The following MEGF11 variants were observed in gnomAD, a reference collection of about 807,000 sequenced individuals.
MEGF11 encodes the protein multiple EGF like domains 11.
MEGF11 carries 126 observed loss-of-function variants against 146.6 expected under a neutral mutation model. The ratio of observed to expected loss-of-function variants is 0.86; its 90% CI spans 0.74 to 1.00. MEGF11 has a LOEUF of 1.00. MEGF11 is among the 50% of genes least tolerant of loss of function. The pLI is 0.00. For synonymous variants in MEGF11, 532 were observed against 583.4 expected (o/e 0.91, Z 1.27); for missense variants, 1,509 against 1,521.2 (o/e 0.99, Z 0.13).
At chr15:66,235,203 A>G (rs774870768) in intron 1 of MEGF11, among the ~76,000 whole-genome samples, 1 of 152,212 alleles carries the variant, frequency 6.6e-6, no homozygotes, top group Non-Finnish European at 1.5e-5. Flanking sequence ...GATTAAAGCA[A>G]TTCAAAGGTC....
intron 5 of MEGF11, among the ~76,000 whole-genome samples, chr15:66,039,796 C>A (rs373274138): frequency 7.8e-6 from 1 of 127,818 alleles, no homozygotes; most frequent in Non-Finnish European, 1.7e-5. Flanking sequence ...CCGGGTCAGG[C>A]GGCGGTGGGG....
intron 1 of MEGF11, among the ~76,000 whole-genome samples, chr15:66,132,968 T>C (rs1005204043): frequency 6.6e-6 from 1 of 152,068 alleles, no homozygotes; most frequent in Non-Finnish European, 1.5e-5. Context: ...CAAGACATCT[T>C]TGTCAACTGA....
chr15:66,221,114 T>A (rs72746219), intron 1 of MEGF11, among the ~76,000 whole-genome samples: 3,509 of 151,946 alleles, frequency 0.023, 64 homozygotes, highest in Non-Finnish European at 0.034. Context: ...ATTTCAAATT[T>A]AAAAAAAAAT....
chr15:66,114,724 G>A (rs2087632194), intron 4 of MEGF11, among the ~76,000 whole-genome samples: 1 of 144,634 alleles, frequency 6.9e-6, no homozygotes, highest in African/African-American at 2.5e-5. Flanking sequence ...ACCAAAGTGG[G>A]CCAGGACTCC....
intron 9 of MEGF11, among the ~76,000 whole-genome samples, 162 bp from the exon 10 acceptor site, chr15:65,957,883 G>T (rs1340075084): frequency 6.6e-6 from 1 of 152,130 alleles, no homozygotes; most frequent in Non-Finnish European, 1.5e-5. Flanking sequence ...AGATGCCAAG[G>T]CCACATGGTC....
chr15:66,141,233 G>GGTGTGT (rs572801225), intron 1 of MEGF11, among the ~76,000 whole-genome samples: 50 of 97,272 alleles, frequency 5.1e-4, no homozygotes, highest in African/African-American at 1.8e-3. Flanking sequence ...CAGACTCAGG[G>GGTGTGT]GTGTGTGTGT....
In MEGF11 at chr15:65,922,402, G is replaced by T. The variant is rs1298128406; in HGVS notation, c.1893C>A (p.Pro631=). The T allele has an allele frequency of 6.3e-7, 1 of 1,597,652 alleles. No homozygotes were observed. The highest frequency in any genetic ancestry group is 8.5e-7 in the Non-Finnish European group (1 of 1,172,552). ...CACAGATGCCGCTGATGTGGTGGCA[G>T]GGCCTGCTGCTGTGCACGCAGAGGG... ...PCPLCVHSSR[P]CHHISGICEC... The change falls in exon 15 of 26, where the codon CCC becomes CCA. Residue 631 remains proline (P), a synonymous_variant. Transcript: ENST00000395614.
At chr15:66,225,277 C>T (rs968650012) in intron 1 of MEGF11, among the ~76,000 whole-genome samples, 1 of 152,364 alleles carries the variant, frequency 6.6e-6, no homozygotes, top group South Asian at 2.1e-4. Context: ...GAGGCAGCAG[C>T]CCTGCCTGAA....
intron 5 of MEGF11, among the ~76,000 whole-genome samples, chr15:66,054,878 A>G (rs2140371013): frequency 6.6e-6 from 1 of 152,298 alleles, no homozygotes; most frequent in Non-Finnish European, 1.5e-5. Context: ...TAGTAAAGAG[A>G]AGAGAAAAGG....
intron 10 of MEGF11, among the ~76,000 whole-genome samples, chr15:65,940,585 T>A (rs2079954604): frequency 6.6e-6 from 1 of 152,222 alleles, no homozygotes; most frequent in Non-Finnish European, 1.5e-5. Flanking sequence ...GCGTCACTGA[T>A]AAAGCAGCAA....
At chr15:65,917,925 C>G (rs1567156055) in intron 16 of MEGF11, 41 bp downstream of exon 16, 1 of 1,612,254 alleles carries the variant, frequency 6.2e-7, no homozygotes. Flanking sequence ...ATTTTTGGGC[C>G]TGACCCCAGG....
At chr15:66,082,514 T>TATATATAA (rs1555468629) in intron 5 of MEGF11, among the ~76,000 whole-genome samples, 1,246 of 115,016 alleles carry the variant, frequency 0.011, 16 homozygotes, top group Middle Eastern at 0.017. Flanking sequence ...TCTATCTATC[T>TATATATAA]ATAAATAAAT....
chr15:65,996,486 T>A (rs1246046740), intron 5 of MEGF11, among the ~76,000 whole-genome samples: 2 of 141,392 alleles, frequency 1.4e-5, no homozygotes, highest in Non-Finnish European at 3.0e-5. Context: ...AGCACACTTT[T>A]TTTTTTTTTT....
chr15:66,046,183 T>C (rs569722492), intron 5 of MEGF11, among the ~76,000 whole-genome samples: 4 of 152,298 alleles, frequency 2.6e-5, no homozygotes, highest in African/African-American at 9.6e-5. Context: ...CCAGTTCACA[T>C]GGCAACTAAG....
intron 5 of MEGF11, among the ~76,000 whole-genome samples, chr15:65,988,628 C>T (rs940454402): frequency 1.3e-5 from 2 of 152,172 alleles, no homozygotes; most frequent in African/African-American, 4.8e-5. Context: ...AGGGACACAA[C>T]TAAATATGTT....
intron 1 of MEGF11, among the ~76,000 whole-genome samples, chr15:66,181,410 T>G (rs2090544423): frequency 6.6e-6 from 1 of 152,188 alleles, no homozygotes; most frequent in African/African-American, 2.4e-5. Flanking sequence ...TTATGCACAC[T>G]TGAATGCACA....
At chr15:66,094,601 A>AGTTG in intron 4 of MEGF11, 107 bp from the exon 5 acceptor site, 6 of 953,904 alleles carry the variant, frequency 6.3e-6, no homozygotes, top group Non-Finnish European at 9.6e-6. Flanking sequence ...GTGCCCAGGG[A>AGTTG]TGCTTAGAAC....
intron 9 of MEGF11, among the ~76,000 whole-genome samples, chr15:65,960,130 C>T (rs2080806902): frequency 6.6e-6 from 1 of 152,210 alleles, no homozygotes; most frequent in Non-Finnish European, 1.5e-5. Flanking sequence ...GAAAATATAT[C>T]AAATCTAAAA....
intron 9 of MEGF11, among the ~76,000 whole-genome samples, chr15:65,959,216 C>T (rs748184161): frequency 6.6e-6 from 1 of 152,190 alleles, no homozygotes; most frequent in Non-Finnish European, 1.5e-5. Flanking sequence ...CTTCTCAGGG[C>T]CCAACAGAGT....
Sources: gnomAD v4.1 joint callset for allele counts (sites outside exome capture counted in the v4.1 genomes callset) on GRCh38, gnomAD v4.1.1 for gene constraint, MANE v1.5 for transcripts, NCBI Gene and HGNC (gene_info 2026-07-23, HGNC 2026-07-21) for gene names.